The following HDAC4 variants were observed in gnomAD, a reference collection of about 807,000 sequenced individuals.
HDAC4 encodes the protein histone deacetylase 4.
HDAC4 carries 16 observed loss-of-function variants against 135.1 expected under a neutral mutation model. The observed-to-expected ratio is 0.12, with a 90% CI of 0.08 to 0.18. HDAC4 has a LOEUF of 0.18. Ranked by LOEUF, HDAC4 falls within the 10% of genes least tolerant of loss-of-function variation. HDAC4 has a pLI of 1.00. For synonymous variants in HDAC4, 685 were observed against 653.4 expected, an observed-to-expected ratio of 1.05 and a Z score of -0.74; for missense variants, 1,143 against 1,511.8, an observed-to-expected ratio of 0.76 and a Z score of 4.05.
chr2:239,133,624 G>A (rs1255087229), intron 11 of HDAC4, among the ~76,000 whole-genome samples: 5 of 152,026 alleles, frequency 3.3e-5, no homozygotes, highest in Non-Finnish European at 5.9e-5. Context: ...GCGCCACCAC[G>A]CCCAGCTAAT....
At position 239,240,386 on chromosome 2, in the gene HDAC4, G is replaced by C. The variant is rs1280898330; in HGVS notation, c.23-3722C>G. Among the ~76,000 whole-genome samples the C allele has an allele frequency of 6.6e-6, 1 of 152,240 alleles. No homozygotes were observed. The highest frequency in any genetic ancestry group is 1.5e-5 in the Non-Finnish European group (1 of 68,048). ...GTGTTTTTTCAGATATCATATTCCA[G>C]AGTGAGTTAAAATGAAATTAGTGAT... On this transcript the variant is annotated intron_variant, in intron 2 of 26. Coordinates refer to ENST00000543185, the MANE Select transcript of HDAC4 (RefSeq NM_001378414.1). The surrounding 1 kb of genome is among the most constrained non-coding windows in gnomAD (Gnocchi z 4.5).
chr2:239,118,423 G>A (rs1006702592), intron 12 of HDAC4, among the ~76,000 whole-genome samples: 4 of 152,162 alleles, frequency 2.6e-5, no homozygotes, highest in South Asian at 2.1e-4. Flanking sequence ...ACCAGTAGGC[G>A]GCGTGGCACG....
intron 2 of HDAC4, among the ~76,000 whole-genome samples, chr2:239,315,033 G>A (rs74864091): frequency 0.01 from 1,590 of 152,278 alleles, 28 homozygotes; most frequent in African/African-American, 0.036. Flanking sequence ...CGGAGGCTTC[G>A]TCGGCATGGT....
chr2:239,120,387 A>ACAC lies in HDAC4; in HGVS notation c.1534-5080_1534-5078dup, dbSNP rs1254123240. Among the ~76,000 whole-genome samples the ACAC allele has an allele frequency of 2.7e-5, 4 of 150,336 alleles. No individual in the cohort carries two copies. The East Asian group carries it at 8.0e-4, about 30-fold the overall frequency. On this transcript the variant is annotated intron_variant, in intron 12 of 26. Transcript: ENST00000543185. ...CAGATACATATACCCGCAGAGGCAC[A>ACAC]CACAGACGCACACAGACACACACAC...
intron 2 of HDAC4, among the ~76,000 whole-genome samples, chr2:239,310,972 G>C (rs2052847450): frequency 6.6e-6 from 1 of 152,208 alleles, no homozygotes; most frequent in South Asian, 2.1e-4. Context: ...TACTAAGCAA[G>C]AGCAGCGCCA....
intron 1 of HDAC4, among the ~76,000 whole-genome samples, chr2:239,390,855 C>T (rs766799433): frequency 2.0e-4 from 30 of 152,346 alleles, no homozygotes; most frequent in Admixed American, 9.1e-4. Flanking sequence ...GGGCAAAATG[C>T]ACACAGTCCT....
At chr2:239,263,006 G>A (rs1018768211) in intron 2 of HDAC4, among the ~76,000 whole-genome samples, 7 of 152,044 alleles carry the variant, frequency 4.6e-5, no homozygotes, top group Non-Finnish European at 8.8e-5. Flanking sequence ...CCATTATGCC[G>A]ATGAAGACAC....
intron 3 of HDAC4, among the ~76,000 whole-genome samples, chr2:239,204,823 C>T (rs1189041136): frequency 2.6e-5 from 4 of 152,200 alleles, no homozygotes; most frequent in Non-Finnish European, 5.9e-5. Flanking sequence ...GCTGAGACCA[C>T]GGAGGGGCCT....
At chr2:239,210,358 G>A (rs1430245448) in intron 3 of HDAC4, among the ~76,000 whole-genome samples, 2 of 152,172 alleles carry the variant, frequency 1.3e-5, no homozygotes, top group African/African-American at 4.8e-5. Flanking sequence ...TGCAGAAAAC[G>A]ACGTCAGTAT....
chr2:239,139,178 C>T lies in HDAC4; in HGVS notation c.978+506G>A, dbSNP rs752739191. On this transcript the variant is annotated intron_variant, in intron 9 of 26. Coordinates refer to ENST00000543185, the MANE Select transcript of HDAC4 (RefSeq NM_001378414.1). The surrounding 1 kb of genome is among the most constrained non-coding windows in gnomAD (Gnocchi z 5.3). Reference sequence around the variant, plus strand: ...GCCCTGCCATGCTGACCACGGGTGACGCTCCAGTCGGCCCTGACACATAGT... The same window carrying T: ...GCCCTGCCATGCTGACCACGGGTGATGCTCCAGTCGGCCCTGACACATAGT... Among the ~76,000 whole-genome samples the T allele has an allele frequency of 6.6e-6, 1 of 152,174 alleles. No individual in the cohort carries two copies. The highest frequency in any genetic ancestry group is 2.4e-5 in the African/African-American group (1 of 41,458).
chr2:239,294,970 T>C lies in HDAC4; in HGVS notation c.22+57708A>G, dbSNP rs575906465. Among the ~76,000 whole-genome samples the C allele has an allele frequency of 8.4e-4, 128 of 152,286 alleles. 1 individual carries two copies. Among genetic ancestry groups the C allele is most frequent in the African/African-American group, 2.9e-3 (122 of 41,564 alleles). On this transcript the variant is annotated intron_variant, in intron 2 of 26. Coordinates refer to ENST00000543185, the MANE Select transcript of HDAC4 (RefSeq NM_001378414.1). ...GGACAACGCCCGTCTGATAAGACTT[T>C]TAGTGCTAGGGAACAGCTGCTAAGG...
At chr2:239,181,576 A>G (rs2044154427) in intron 4 of HDAC4, among the ~76,000 whole-genome samples, 1 of 152,262 alleles carries the variant, frequency 6.6e-6, no homozygotes, top group African/African-American at 2.4e-5. Context: ...GGTGGGATAA[A>G]CATAAGCAAG....
intron 25 of HDAC4, 134 bp downstream of exon 25, chr2:239,054,615 T>G: frequency 1.4e-6 from 1 of 736,772 alleles, no homozygotes; most frequent in Non-Finnish European, 2.5e-6. Context: ...AGCAAGGCCT[T>G]CTGCTGCAGG....
In HDAC4 at chr2:239,307,678, C is replaced by A. The variant is rs1194530221; in HGVS notation, c.22+45000G>T. Among the ~76,000 whole-genome samples, 2 of 152,184 alleles carry A rather than the reference C, an allele frequency of 1.3e-5. No homozygotes were observed. The highest frequency in any genetic ancestry group is 2.9e-5 in the Non-Finnish European group (2 of 68,032). On this transcript the variant is annotated intron_variant, in intron 2 of 26. Transcript: ENST00000543185. This position sits in a 1 kb window ranked among gnomAD's most constrained non-coding sequence, Gnocchi z 4.8. ...GCATGCAAGAGAAGCCCTCCTCACTCAGATGACGTTCTCATGACCGCACTT... is the reference window on the plus strand; with the variant it reads ...GCATGCAAGAGAAGCCCTCCTCACTAAGATGACGTTCTCATGACCGCACTT...
chr2:239,327,455 G>A (rs1198209761), intron 2 of HDAC4, among the ~76,000 whole-genome samples: 2 of 152,246 alleles, frequency 1.3e-5, no homozygotes, highest in African/African-American at 4.8e-5. Flanking sequence ...CTGCCCCTCA[G>A]CTACAATACG....
chr2:239,380,316 T>A (rs949464895), intron 1 of HDAC4, among the ~76,000 whole-genome samples: 9 of 149,074 alleles, frequency 6.0e-5, no homozygotes, highest in Non-Finnish European at 8.9e-5. Flanking sequence ...AATTCATGTA[T>A]TTAATGTACA....
rs898647042 is a variant in HDAC4, at chr2:239,139,069, G to A, written c.978+615C>T. ...CCACTTGGGGTCTGATGAAGGCAGG[G>A]GACCAGGGGTGCTGAGCTCTGCGGT... On this transcript the variant is annotated intron_variant, in intron 9 of 26. Coordinates refer to ENST00000543185, the MANE Select transcript of HDAC4 (RefSeq NM_001378414.1). The surrounding 1 kb of genome is among the most constrained non-coding windows in gnomAD (Gnocchi z 5.3). 6.6e-6 allele frequency among the ~76,000 whole-genome samples: 1 copy of A among 152,146 alleles called. No individual in the cohort carries two copies. Among genetic ancestry groups the A allele is most frequent in the African/African-American group, 2.4e-5 (1 of 41,432 alleles).
rs3838511 is a variant in HDAC4, at chr2:239,141,848, AT to A, written c.866-2053del. Among the ~76,000 whole-genome samples, 1 of 152,152 alleles carries A rather than the reference AT, an allele frequency of 6.6e-6. No homozygotes were observed. On this transcript the variant is annotated intron_variant, in intron 8 of 26. Coordinates refer to ENST00000543185, the MANE Select transcript of HDAC4 (RefSeq NM_001378414.1). The surrounding 1 kb of genome is among the most constrained non-coding windows in gnomAD (Gnocchi z 4.9). Reference sequence around the variant, plus strand: ...CTTTTAACTCAACGAGGTTAATTTTATTTTTTTGCATTCTACTTCCAGGAAT... The same window carrying A: ...CTTTTAACTCAACGAGGTTAATTTTATTTTTTGCATTCTACTTCCAGGAAT...
At chr2:239,179,503 T>C (rs1212781721) in intron 4 of HDAC4, among the ~76,000 whole-genome samples, 3 of 152,144 alleles carry the variant, frequency 2.0e-5, no homozygotes, top group Non-Finnish European at 2.9e-5. Flanking sequence ...TAACGCCTGA[T>C]GATCTGAGGT....
Sources: gnomAD v4.1 joint callset for allele counts (sites outside exome capture counted in the v4.1 genomes callset) on GRCh38, gnomAD v4.1.1 for gene constraint, Gnocchi (gnomAD v3.1) non-coding constraint, MANE v1.5 for transcripts, NCBI Gene and HGNC (gene_info 2026-07-23, HGNC 2026-07-21) for gene names.